LATS1: variants seen among roughly 807,000 people sequenced by gnomAD.
LATS1 encodes serine/threonine-protein kinase LATS1.
A neutral mutation model predicts 106.6 loss-of-function variants in LATS1; 25 were observed. The ratio of observed to expected loss-of-function variants is 0.23; its 90% CI spans 0.17 to 0.33. LATS1 has a LOEUF of 0.33. Ranked by LOEUF, LATS1 falls within the 10% of genes least tolerant of loss-of-function variation. LATS1 has a pLI of 1.00. For synonymous variants in LATS1, 465 were observed against 455.6 expected, an observed-to-expected ratio of 1.02 and a Z score of -0.26; for missense variants, 1,040 against 1,382.6, an observed-to-expected ratio of 0.75 and a Z score of 3.93.
At position 149,684,335 on chromosome 6, in the gene LATS1, T is replaced by C. The variant is rs777511030; in HGVS notation, c.754A>G (p.Arg252Gly). 7.4e-6 allele frequency: 12 copies of C among 1,613,598 alleles called. No individual in the cohort carries two copies. In the South Asian group the frequency reaches 9.9e-5, roughly 13 times the overall value. ...CCTCTTGGAGGGGGAGTCTGGCCTCTTGGAGGTGGTGGAGGAGTAACACTC... is the reference window on the plus strand; with the variant it reads ...CCTCTTGGAGGGGGAGTCTGGCCTCCTGGAGGTGGTGGAGGAGTAACACTC... ...VRSVTPPPPP[R>G]GQTPPPRGTT... Residue 252 changes from arginine (R) to glycine (G), a missense_variant, in exon 4 of 8, where the codon AGA becomes GGA. Physicochemically the swap from Arg to Gly is moderately radical, Grantham distance 125. Coordinates refer to ENST00000543571, the MANE Select transcript of LATS1 (RefSeq NM_004690.4).
At chr6:149,699,338 C>A (rs1393501873) in intron 2 of LATS1, among the ~76,000 whole-genome samples, 1 of 152,094 alleles carries the variant, frequency 6.6e-6, no homozygotes, top group Non-Finnish European at 1.5e-5. Context: ...CTCTGCCCAG[C>A]CACCTCACAG....
chr6:149,673,536 C>T (rs1781554457), intron 7 of LATS1, among the ~76,000 whole-genome samples: 1 of 151,954 alleles, frequency 6.6e-6, no homozygotes, highest in East Asian at 1.9e-4. Flanking sequence ...TACACCTACA[C>T]ACAAATATAT....
intron 7 of LATS1, among the ~76,000 whole-genome samples, chr6:149,673,096 C>CTTTTTTTTTTTTTTTTTT (rs199602290): frequency 1.7e-5 from 2 of 119,098 alleles, no homozygotes; most frequent in Middle Eastern, 4.4e-3. Flanking sequence ...CTTTTCTTTT[C>CTTTTTTTTTTTTTTTTTT]TTTTTTTTTT....
rs772354910 is a variant in LATS1, at chr6:149,680,000, C to A, written c.2468G>T (p.Gly823Val). 41 of 1,613,762 alleles carry A rather than the reference C, an allele frequency of 2.5e-5. No individual in the cohort carries two copies. The highest frequency in any genetic ancestry group is 2.5e-6 in the Non-Finnish European group (3 of 1,179,836). Residue 823 changes from glycine to valine, a missense_variant, in exon 5 of 8, where the codon GGT becomes GTT. Around this residue, in one of 7 missense-constraint regions of LATS1, gnomAD observed 167 missense variants for 332.1 expected, o/e 0.50. Coordinates refer to ENST00000543571, the MANE Select transcript of LATS1 (RefSeq NM_004690.4). ...AGGTTTAATATCTCTATGAATAAAA[C>A]CCATTTTATGAACACTTTCAACTGC... ...TCAVESVHKM[G>V]FIHRDIKPDN...
chr6:149,697,041 A>T, intron 2 of LATS1: 2 of 717,258 alleles, frequency 2.8e-6, no homozygotes, highest in Middle Eastern at 2.8e-4. Flanking sequence ...ACTCACTATC[A>T]TGCAGAAAGT....
Position 149,683,659 on chromosome 6 carries a change from G to C in LATS1, c.1430C>G (p.Ala477Gly). The change falls in exon 4 of 8, where the codon GCT (alanine) becomes GGT (glycine). Residue 477 changes from alanine (A) to glycine (G), a missense_variant. This residue lies in a region of LATS1 where 624 missense variants were observed against 714.8 expected (regional missense o/e 0.87). Transcript: ENST00000543571. ...TGTTGTAGCAGAAGGCTGAGAATTA[G>C]CAGAGTGACTTGCTCTATTTCCTAA... ...NPLGNRASHS[A>G]NSQPSATTVT... The C allele has an allele frequency of 6.2e-7, 1 of 1,614,150 alleles. No individual in the cohort carries two copies. Among genetic ancestry groups the C allele is most frequent in the Non-Finnish European group, 8.5e-7 (1 of 1,180,000 alleles).
chr6:149,660,209 A>C lies in LATS1; in HGVS notation c.*1520T>G, dbSNP rs1432047617. 4.3e-6 allele frequency: 1 copy of C among 232,724 alleles called. No homozygotes were observed. The highest frequency in any genetic ancestry group is 2.2e-5 in the African/African-American group (1 of 45,294). 14.4% of individuals were successfully genotyped at this position (232,724 alleles called of 1,614,324 possible). A position where few individuals can be genotyped will look rare whatever the true frequency, so the allele number is the denominator to read the frequency against. On this transcript the variant is annotated 3_prime_UTR_variant, in exon 8 of 8. Transcript: ENST00000543571. ...ACAGCTTCCTTCAGATTCTCAAAAG[A>C]ACCACTAACCCCAAAAGACGCACGA... is the stretch of plus-strand genomic sequence containing the variant.
rs9505988 is a variant in LATS1, at chr6:149,678,467, A to G, written c.2593+1408T>C. ...TTTTTAAGAAGCTTTCCAGGTAATA[A>G]TTCAGTCGAATCTGGGAAGACACTA... is the stretch of plus-strand genomic sequence containing the variant. On this transcript the variant is annotated intron_variant, in intron 5 of 7. Coordinates refer to ENST00000543571, the MANE Select transcript of LATS1 (RefSeq NM_004690.4). Among the ~76,000 whole-genome samples, 796 of 152,360 alleles carry G rather than the reference A, an allele frequency of 5.2e-3. 7 individuals carry two copies. The highest frequency in any genetic ancestry group is 0.018 in the African/African-American group (769 of 41,590).
Position 149,684,888 on chromosome 6 carries a change from A to G in LATS1, c.497-296T>C, listed in dbSNP as rs116160808. Among the ~76,000 whole-genome samples the G allele has an allele frequency of 7.6e-3, 1,150 of 152,288 alleles. 15 individuals are homozygous for G. The highest frequency in any genetic ancestry group is 0.026 in the African/African-American group (1,078 of 41,568). ...CTCAATTTAGCAAAAAAAGAAAAAA[A>G]AGAGTTATAAAAATAAAATTTCACT... is the stretch of plus-strand genomic sequence containing the variant. On this transcript the variant is annotated intron_variant, in intron 3 of 7. Coordinates refer to ENST00000543571, the MANE Select transcript of LATS1 (RefSeq NM_004690.4).
chr6:149,717,814 G>C (rs890994056), intron 1 of LATS1, 35 bp downstream of exon 1: 2 of 289,034 alleles, frequency 6.9e-6, no homozygotes, highest in South Asian at 5.2e-5. Context: ...TCGAGCACTG[G>C]AGGAGCGCAC....
chr6:149,683,712 T>C lies in LATS1; in HGVS notation c.1377A>G (p.Pro459=), dbSNP rs780466786. Reference sequence around the variant, plus strand: ...GGTTATTAAAAGAATTTGACCTCACTGGTATGTTAGGTTGCCATGTAGGGA... The same window carrying C: ...GGTTATTAAAAGAATTTGACCTCACCGGTATGTTAGGTTGCCATGTAGGGA... ...HEIPTWQPNI[P]VRSNSFNNPL... is the part of the protein sequence containing the mutation. Residue 459 remains proline, a synonymous_variant, in exon 4 of 8, where the codon CCA becomes CCG. Coordinates refer to ENST00000543571, the MANE Select transcript of LATS1 (RefSeq NM_004690.4). 1 of 1,614,130 alleles carries C rather than the reference T, an allele frequency of 6.2e-7. No individual in the cohort carries two copies. Among genetic ancestry groups the C allele is most frequent in the Non-Finnish European group, 8.5e-7 (1 of 1,180,008 alleles).
intron 1 of LATS1, among the ~76,000 whole-genome samples, chr6:149,705,903 G>A (rs1007870666): frequency 2.0e-5 from 3 of 152,036 alleles, no homozygotes; most frequent in African/African-American, 7.2e-5. Flanking sequence ...ATATTCCTGA[G>A]CCAGGCACAG....
At chr6:149,686,462 C>G (rs1043679932) in intron 3 of LATS1, among the ~76,000 whole-genome samples, 40 of 152,216 alleles carry the variant, frequency 2.6e-4, no homozygotes, top group African/African-American at 8.9e-4. Context: ...TTCCACTTCC[C>G]GAACCTTTCC....
rs1780827722 is a variant in LATS1, at chr6:149,659,982, C to T, written c.*1747G>A. 1 of 231,706 alleles carries T rather than the reference C, an allele frequency of 4.3e-6. No individual in the cohort carries two copies. The highest frequency in any genetic ancestry group is 5.6e-5 in the Admixed American group (1 of 17,718). The allele number at this position is 231,706 out of a possible 1,614,324, so 14.4% of individuals were successfully genotyped here. A position where few individuals can be genotyped will look rare whatever the true frequency, so the allele number is the denominator to read the frequency against. On this transcript the variant is annotated 3_prime_UTR_variant, in exon 8 of 8. Coordinates refer to ENST00000543571, the MANE Select transcript of LATS1 (RefSeq NM_004690.4). ...ATCACATGCTACAGACCTTTTCCAT[C>T]ACAAATTATCAGCTTATATAAGATG...
chr6:149,709,304 A>G (rs2115003918), intron 1 of LATS1, among the ~76,000 whole-genome samples: 1 of 152,294 alleles, frequency 6.6e-6, no homozygotes, highest in Admixed American at 6.5e-5. Flanking sequence ...AAGATACCCA[A>G]TTCCAGCCTG....
chr6:149,659,673 C>T lies in LATS1; in HGVS notation c.*2056G>A, dbSNP rs750724124. 4.4e-6 allele frequency: 1 copy of T among 228,036 alleles called. No individual in the cohort carries two copies. Among genetic ancestry groups the T allele is most frequent in the Non-Finnish European group, 8.7e-6 (1 of 114,994 alleles). The allele number at this position is 228,036 out of a possible 1,614,324, so 14.1% of individuals were successfully genotyped here. A position where few individuals can be genotyped will look rare whatever the true frequency, so the allele number is the denominator to read the frequency against. Reference sequence around the variant, plus strand: ...TTTAAATAAATCAGACTGAAAAAGCCCAAAGAGTAAGAGGAATACCTTATA... The same window carrying T: ...TTTAAATAAATCAGACTGAAAAAGCTCAAAGAGTAAGAGGAATACCTTATA... On this transcript the variant is annotated 3_prime_UTR_variant, in exon 8 of 8. Coordinates refer to ENST00000543571, the MANE Select transcript of LATS1 (RefSeq NM_004690.4).
intron 1 of LATS1, among the ~76,000 whole-genome samples, chr6:149,717,087 T>G (rs1784438563): frequency 6.6e-6 from 1 of 152,216 alleles, no homozygotes. Context: ...GAGATTATAC[T>G]TATTGTTCAC....
In LATS1 at chr6:149,717,842, G is replaced by C. The variant is rs1027209114; in HGVS notation, c.-141+7C>G. ...GAGCGCACCCGCTACGCCAGCCCCGGACCTACCTGGAGGGGAGAGCAGAGC... is the reference window on the plus strand; with the variant it reads ...GAGCGCACCCGCTACGCCAGCCCCGCACCTACCTGGAGGGGAGAGCAGAGC... On this transcript the variant is annotated splice_region_variant and intron_variant, in intron 1 of 7. Transcript: ENST00000543571. 2 of 317,058 alleles carry C rather than the reference G, an allele frequency of 6.3e-6. No homozygotes were observed. Among genetic ancestry groups the C allele is most frequent in the South Asian group, 2.3e-5 (1 of 44,258 alleles). The allele number at this position is 317,058 out of a possible 1,614,324, so 19.6% of individuals were successfully genotyped here.
chr6:149,662,734 G>A (rs961014480), intron 7 of LATS1, among the ~76,000 whole-genome samples: 5 of 152,016 alleles, frequency 3.3e-5, no homozygotes, highest in African/African-American at 1.2e-4. Flanking sequence ...GGCGGAGGTG[G>A]GAGGACTGCT....
Sources: allele counts gnomAD v4.1 joint callset (sites outside exome capture counted in the v4.1 genomes callset), GRCh38; gene constraint gnomAD v4.1.1; regional missense constraint gnomAD v4.1.1; transcripts MANE v1.5; gene names NCBI Gene and HGNC (gene_info 2026-07-23, HGNC 2026-07-21).